PRRC2B: variants seen among roughly 807,000 people sequenced by gnomAD.
PRRC2B encodes the protein protein PRRC2B.
Under a neutral mutation model 242.3 loss-of-function variants are expected in PRRC2B, and 68 were observed. The ratio of observed to expected loss-of-function variants is 0.28; its 90% CI spans 0.23 to 0.34. PRRC2B has a LOEUF of 0.34. Ranked by LOEUF, PRRC2B falls within the 10% of genes least tolerant of loss-of-function variation. PRRC2B has a pLI of 1.00. For synonymous variants in PRRC2B, 1,228 were observed against 1,173.6 expected, an observed-to-expected ratio of 1.05 and a Z score of -0.95; for missense variants, 2,835 against 2,954.8, an observed-to-expected ratio of 0.96 and a Z score of 0.94.
At chr9:131,413,567 T>C (rs1837561195) in intron 1 of PRRC2B, among the ~76,000 whole-genome samples, 1 of 152,218 alleles carries the variant, frequency 6.6e-6, no homozygotes, top group African/African-American at 2.4e-5. Context: ...GTGCTCTCAC[T>C]GTGTTGCCCA....
chr9:131,410,884 T>G (rs1220917669), intron 1 of PRRC2B, among the ~76,000 whole-genome samples: 1 of 152,222 alleles, frequency 6.6e-6, no homozygotes, highest in Non-Finnish European at 1.5e-5. Context: ...TTTTTCTGAT[T>G]TCTTAACTTG....
chr9:131,377,568 G>T (rs1315729231), intron 1 of PRRC2B, among the ~76,000 whole-genome samples: 1 of 151,986 alleles, frequency 6.6e-6, no homozygotes, highest in East Asian at 1.9e-4. Context: ...CAACAGAATT[G>T]TAAGCCCCTC....
rs539172410 is a variant in PRRC2B at position 131,496,628 on chromosome 9, G to GT, written c.*754_*755insT. 1.3e-5 allele frequency: 1 copy of GT among 75,588 alleles called. No homozygotes were observed. 4.7% of individuals were successfully genotyped at this position (75,588 alleles called of 1,614,324 possible). A position where few individuals can be genotyped will look rare whatever the true frequency, so the allele number is the denominator to read the frequency against. On this transcript the variant is annotated 3_prime_UTR_variant, in exon 32 of 32. Coordinates refer to ENST00000683519, the MANE Select transcript of PRRC2B (RefSeq NM_013318.4). ...TCAGAGCAGCAGGCAGGTTGGGGGAGGGGGGGGGTCATAGTTGGGTTCCAG... is the reference window on the plus strand; with the variant it reads ...TCAGAGCAGCAGGCAGGTTGGGGGAGTGGGGGGGGTCATAGTTGGGTTCCAG...
chr9:131,398,517 G>A (rs1837132044), intron 1 of PRRC2B, among the ~76,000 whole-genome samples: 1 of 152,214 alleles, frequency 6.6e-6, no homozygotes, highest in African/African-American at 2.4e-5. Context: ...GCAGCCAGTT[G>A]TGTGGCTTCC....
chr9:131,475,524 G>T lies in PRRC2B; in HGVS notation c.3395G>T (p.Ser1132Ile), dbSNP rs1943666404. The stretch of plus-strand genomic sequence containing the variant: ...GCCAAGCCCCGACGGAGAGTTGCCA[G>T]TGAGACCCATAGCGAGGGCTCAGAG... The part of the protein sequence containing the change: ...PRAKPRRRVA[S>I]ETHSEGSEYE... The change falls in exon 16 of 32, where the codon AGT (serine) becomes ATT (isoleucine). Residue 1132 changes from serine (S) to isoleucine (I), a missense_variant. By Grantham distance (142) the Ser-to-Ile change is moderately radical (BLOSUM62 -2). Around this residue, in one of 7 missense-constraint regions of PRRC2B, gnomAD observed 1,536 missense variants for 1,483.1 expected, o/e 1.04. Coordinates refer to ENST00000683519, the MANE Select transcript of PRRC2B (RefSeq NM_013318.4). The T allele has an allele frequency of 1.2e-6, 2 of 1,611,458 alleles. No individual in the cohort carries two copies. The highest frequency in any genetic ancestry group is 1.7e-6 in the Non-Finnish European group (2 of 1,179,144).
chr9:131,438,857 A>G, intron 4 of PRRC2B, 132 bp from the exon 5 acceptor site: 2 of 670,804 alleles, frequency 3.0e-6, no homozygotes, highest in South Asian at 3.5e-5. Context: ...GCTGCTCAGA[A>G]AGTGGTGGTG....
rs555719667 is a variant in PRRC2B, at chr9:131,495,627, C to T, written c.6556-113C>T. 360 of 1,267,372 alleles carry T rather than the reference C, an allele frequency of 2.8e-4. 1 individual carries two copies. In the African/African-American group the frequency reaches 4.6e-3, roughly 16 times the overall value. The allele number at this position is 1,267,372 out of a possible 1,614,324, so 78.5% of individuals were successfully genotyped here. On this transcript the variant is annotated intron_variant, in intron 31 of 31. Transcript: ENST00000683519. ...GGTCCTTCAACCAAGGGACTGACAA[C>T]TTAGGGGAGCTTTCCCTGCAACTCA... is the stretch of plus-strand genomic sequence containing the variant.
intron 25 of PRRC2B, 122 bp from the exon 26 acceptor site, chr9:131,485,963 C>A: frequency 1.3e-6 from 1 of 745,032 alleles, no homozygotes; most frequent in Non-Finnish European, 2.4e-6. Context: ...CCTCTGTACA[C>A]ACGCCCTCGT....
Position 131,446,586 on chromosome 9 carries a change from C to T in PRRC2B, c.799C>T (p.Gln267Ter). ...TCAGCCTGTCCGAAAAGGGGCTTCA[C>T]AGTTCATGGGAAATGTATACCACCC... is the stretch of plus-strand genomic sequence containing the variant. The part of the protein sequence containing the change: ...PAQPVRKGAS[Q>*]FMGNVYHPPT... The change falls in exon 7 of 32, where the codon CAG (glutamine) becomes TAG (stop). Residue 267 changes from glutamine (Q) to a stop codon, truncating the protein, a stop_gained. Coordinates refer to ENST00000683519, the MANE Select transcript of PRRC2B (RefSeq NM_013318.4). LOFTEE classifies it high-confidence loss of function. This position sits in a 1 kb window ranked among gnomAD's most constrained non-coding sequence, Gnocchi z 4.1. The T allele has an allele frequency of 6.2e-7, 1 of 1,613,980 alleles. No individual in the cohort carries two copies. Among genetic ancestry groups the T allele is most frequent in the Non-Finnish European group, 8.5e-7 (1 of 1,179,864 alleles).
At chr9:131,378,419 G>A (rs916615770) in intron 1 of PRRC2B, among the ~76,000 whole-genome samples, 1 of 152,100 alleles carries the variant, frequency 6.6e-6, no homozygotes. Flanking sequence ...GCTGGAGGGG[G>A]AATGACACAC....
intron 25 of PRRC2B, chr9:131,485,595 T>G: frequency 1.1e-5 from 6 of 530,420 alleles, no homozygotes; most frequent in Non-Finnish European, 1.9e-5. Context: ...TTGTCCTGAT[T>G]GCTGCCATCC....
intron 1 of PRRC2B, among the ~76,000 whole-genome samples, chr9:131,388,239 CTT>C (rs536012324): frequency 4.1e-5 from 5 of 121,082 alleles, no homozygotes; most frequent in African/African-American, 5.9e-5. Flanking sequence ...TTTACTTTTA[CTT>C]TTTTTTTTTT....
Position 131,478,611 on chromosome 9 carries a change from G to A in PRRC2B, c.4750G>A (p.Ala1584Thr), listed in dbSNP as rs1462513781. 9.8e-7 allele frequency: 1 copy of A among 1,023,622 alleles called. No individual in the cohort carries two copies. The highest frequency in any genetic ancestry group is 1.4e-6 in the Non-Finnish European group (1 of 709,510). The allele number at this position is 1,023,622 out of a possible 1,614,324, so 63.4% of individuals were successfully genotyped here. The change falls in exon 18 of 32, where the codon GCC becomes ACC. Residue 1584 changes from alanine to threonine, a missense_variant. Around this residue, in one of 7 missense-constraint regions of PRRC2B, gnomAD observed 1,536 missense variants for 1,483.1 expected, o/e 1.04. Coordinates refer to ENST00000683519, the MANE Select transcript of PRRC2B (RefSeq NM_013318.4). ...GGAAGAGAGAAGAAAGAAGGAGCAG[G>A]CCGTGCAGGTGAGGGGCGGAGGGTG... Reference protein sequence around the residue: ...LEEERRKKEQAVQVPVKGRGL... With the variant: ...LEEERRKKEQTVQVPVKGRGL...
In PRRC2B at chr9:131,481,807, A is replaced by T. The variant is rs1437278850; in HGVS notation, c.4982A>T (p.Glu1661Val). 2 of 1,555,050 alleles carry T rather than the reference A, an allele frequency of 1.3e-6. No homozygotes were observed. The highest frequency in any genetic ancestry group is 1.7e-6 in the Non-Finnish European group (2 of 1,152,272). ...AGCAGCACCGAGACTGGCTCTGCGG[A>T]GGTGAGTGTGGCCGCTGCCCACATG... ...AFSSTETGSA[E>V]QGFKSSQGDS... The change falls in exon 20 of 32, where the codon GAG becomes GTG. Residue 1661 changes from glutamate to valine, a missense_variant and splice_region_variant. Physicochemically the swap from Glu to Val is moderately radical, Grantham distance 121. Transcript: ENST00000683519.
chr9:131,421,055 C>T (rs1588242772), intron 1 of PRRC2B, among the ~76,000 whole-genome samples: 1 of 152,300 alleles, frequency 6.6e-6, no homozygotes, highest in Non-Finnish European at 1.5e-5. Flanking sequence ...TATGTATTGT[C>T]TGGGGCTACT....
At chr9:131,426,735 C>T (rs1281545353) in intron 1 of PRRC2B, among the ~76,000 whole-genome samples, 2 of 152,176 alleles carry the variant, frequency 1.3e-5, no homozygotes, top group Non-Finnish European at 2.9e-5. Context: ...AACTTGGGGG[C>T]AGTGAGTGCT....
At chr9:131,376,771 C>T (rs2131261114) in intron 1 of PRRC2B, among the ~76,000 whole-genome samples, 1 of 152,248 alleles carries the variant, frequency 6.6e-6, no homozygotes, top group South Asian at 2.1e-4. Context: ...ACTCAGGAGC[C>T]TGACACGGGA....
chr9:131,459,234 A>G lies in PRRC2B; in HGVS notation c.1282A>G (p.Thr428Ala). The change falls in exon 11 of 32, where the codon ACT becomes GCT. Residue 428 changes from threonine (T) to alanine (A), a missense_variant. By Grantham distance (58) the Thr-to-Ala change is moderately conservative. Transcript: ENST00000683519. ...SSADSADAKRTREEGKDWAEA... is the reference protein window; with the variant it reads ...SSADSADAKRAREEGKDWAEA... ...TGCAGACAGTGCGGACGCTAAGCGG[A>G]CTCGAGAGGAAGGGAAGGACTGGGC... The G allele has an allele frequency of 6.2e-7, 1 of 1,613,864 alleles. No homozygotes were observed. The highest frequency in any genetic ancestry group is 8.5e-7 in the Non-Finnish European group (1 of 1,179,852).
At chr9:131,391,302 G>GC (rs1473053338), upstream of PRRC2B, among the ~76,000 whole-genome samples, 10 of 152,104 alleles carry the variant, frequency 6.6e-5, no homozygotes, top group African/African-American at 2.2e-4. Context: ...GAGGCAGCCT[G>GC]CATTTCTGGG....
Sources: gnomAD v4.1 joint callset for allele counts (sites outside exome capture counted in the v4.1 genomes callset) on GRCh38, gnomAD v4.1.1 for gene constraint, gnomAD v4.1.1 regional missense constraint, Gnocchi (gnomAD v3.1) non-coding constraint, MANE v1.5 for transcripts, NCBI Gene and HGNC (gene_info 2026-07-23, HGNC 2026-07-21) for gene names.